LRP1B: variants seen among roughly 807,000 people sequenced by gnomAD.
LRP1B encodes the protein LDL receptor related protein 1B.
A neutral mutation model predicts 556.6 loss-of-function variants in LRP1B; 217 were observed. That is an observed-to-expected ratio of 0.39 (90% confidence interval 0.35 to 0.44). The LOEUF (loss-of-function observed/expected upper bound fraction) is 0.44, where lower values mean the gene tolerates loss of function less well. Among genes scored for constraint, LRP1B ranks in the 20% least tolerant of loss-of-function variants. LRP1B has a pLI of 1.00. For missense variants in LRP1B, 5,053 were observed against 5,620.8 expected, an observed-to-expected ratio of 0.90 and a Z score of 3.23; for synonymous variants, 2,047 against 1,865.8, an observed-to-expected ratio of 1.10 and a Z score of -2.50.
At chr2:140,610,625 G>A (rs1205554271) in intron 41 of LRP1B, among the ~76,000 whole-genome samples, 1 of 151,956 alleles carries the variant, frequency 6.6e-6, no homozygotes, top group Non-Finnish European at 1.5e-5. Flanking sequence ...TCGCTCTGTC[G>A]CCCAGGCTGG....
intron 83 of LRP1B, among the ~76,000 whole-genome samples, chr2:140,314,253 A>G (rs974847986): frequency 2.6e-5 from 4 of 152,014 alleles, no homozygotes; most frequent in African/African-American, 9.7e-5. Flanking sequence ...GAATTTGCAA[A>G]TTAGATTTTT....
At chr2:140,773,273 C>T (rs920858670) in intron 33 of LRP1B, among the ~76,000 whole-genome samples, 3 of 151,968 alleles carry the variant, frequency 2.0e-5, no homozygotes, top group Non-Finnish European at 2.9e-5. Context: ...CGGACCAGAG[C>T]GGCCAACATG....
At chr2:140,563,924 G>A (rs529266983) in intron 43 of LRP1B, among the ~76,000 whole-genome samples, 1 of 152,276 alleles carries the variant, frequency 6.6e-6, no homozygotes, top group East Asian at 1.9e-4. Flanking sequence ...TTTTGACACA[G>A]TCATAATTCT....
intron 29 of LRP1B, among the ~76,000 whole-genome samples, chr2:140,843,482 T>C (rs1158172776): frequency 1.3e-5 from 2 of 152,146 alleles, no homozygotes; most frequent in Admixed American, 6.6e-5. Flanking sequence ...CTTTTCCATA[T>C]AGCGTGACTA....
At chr2:140,329,433 T>C (rs1426558009) in intron 79 of LRP1B, among the ~76,000 whole-genome samples, 2 of 151,966 alleles carry the variant, frequency 1.3e-5, no homozygotes, top group African/African-American at 4.8e-5. Context: ...TGTATTCAAA[T>C]AGGAGGAGAG....
At chr2:140,898,866 A>C in intron 23 of LRP1B, 1 of 427,014 alleles carries the variant, frequency 2.3e-6, no homozygotes, top group South Asian at 1.7e-5. Flanking sequence ...TACCTGACAT[A>C]GTAGGAGAGC....
At chr2:141,870,585 G>C (rs769101150) in intron 1 of LRP1B, among the ~76,000 whole-genome samples, 1 of 151,912 alleles carries the variant, frequency 6.6e-6, no homozygotes, top group Non-Finnish European at 1.5e-5. Flanking sequence ...ATGTAGAATA[G>C]AGACTATATT....
intron 49 of LRP1B, among the ~76,000 whole-genome samples, chr2:140,522,809 TC>T (rs1471795163): frequency 6.6e-6 from 1 of 151,918 alleles, no homozygotes; most frequent in African/African-American, 2.4e-5. Flanking sequence ...TGAATAAATT[TC>T]TGGAAAGGCA....
At chr2:140,523,198 G>A (rs942992883) in intron 49 of LRP1B, among the ~76,000 whole-genome samples, 1 of 151,992 alleles carries the variant, frequency 6.6e-6, no homozygotes, top group Admixed American at 6.6e-5. Flanking sequence ...ATTCACAATG[G>A]GCAAGTAGGC....
chr2:141,712,605 C>T (rs1469658972), intron 2 of LRP1B, among the ~76,000 whole-genome samples: 1 of 152,028 alleles, frequency 6.6e-6, no homozygotes, highest in Non-Finnish European at 1.5e-5. Context: ...TGTAAAGTCA[C>T]AAAACAGAGT....
At chr2:141,895,048 C>CAAAAAAAAAAAAAA (rs369108197) in intron 1 of LRP1B, among the ~76,000 whole-genome samples, 4 of 78,490 alleles carry the variant, frequency 5.1e-5, no homozygotes, top group East Asian at 3.3e-4. Context: ...AACTCCATCT[C>CAAAAAAAAAAAAAA]AAAAAAAAAA....
At chr2:141,794,292 T>C (rs1695728560) in intron 2 of LRP1B, among the ~76,000 whole-genome samples, 1 of 151,958 alleles carries the variant, frequency 6.6e-6, no homozygotes, top group South Asian at 2.1e-4. Flanking sequence ...TTGATTATTT[T>C]TGATATCAGG....
At chr2:140,480,460 C>G (rs1688184927) in intron 59 of LRP1B, among the ~76,000 whole-genome samples, 1 of 150,048 alleles carries the variant, frequency 6.7e-6, no homozygotes, top group Non-Finnish European at 1.5e-5. Context: ...TCCTAACAGA[C>G]TTTTTTTTTT....
intron 35 of LRP1B, among the ~76,000 whole-genome samples, chr2:140,764,752 C>T (rs1362205597): frequency 6.6e-6 from 1 of 152,118 alleles, no homozygotes; most frequent in African/African-American, 2.4e-5. Flanking sequence ...CAGAGCGATA[C>T]ATTTGTCACA....
chr2:141,073,828 T>C (rs1319961311), intron 7 of LRP1B, among the ~76,000 whole-genome samples: 2 of 152,118 alleles, frequency 1.3e-5, no homozygotes, highest in Non-Finnish European at 2.9e-5. Context: ...GCCAGTTACA[T>C]CTTCAATGTA....
At chr2:141,884,923 G>A (rs1699063506) in intron 1 of LRP1B, among the ~76,000 whole-genome samples, 2 of 152,150 alleles carry the variant, frequency 1.3e-5, no homozygotes, top group Non-Finnish European at 2.9e-5. Flanking sequence ...ACCTGTAAAT[G>A]TATTTGGATG....
At chr2:141,179,981 T>C (rs1208286013) in intron 7 of LRP1B, among the ~76,000 whole-genome samples, 1 of 151,170 alleles carries the variant, frequency 6.6e-6, no homozygotes, top group Non-Finnish European at 1.5e-5. Context: ...TGGTAATGTA[T>C]AAGCAGAACA....
intron 43 of LRP1B, among the ~76,000 whole-genome samples, chr2:140,588,621 A>G (rs1682084716): frequency 6.6e-6 from 1 of 152,224 alleles, no homozygotes; most frequent in African/African-American, 2.4e-5. Context: ...ATAGACACCT[A>G]CAATTATGCC....
At chr2:141,890,323 C>G (rs375402331) in intron 1 of LRP1B, among the ~76,000 whole-genome samples, 1 of 83,818 alleles carries the variant, frequency 1.2e-5, no homozygotes, top group Non-Finnish European at 2.4e-5. Flanking sequence ...GGGCACAATA[C>G]ATATATATAT....
Sources: allele counts gnomAD v4.1 joint callset (sites outside exome capture counted in the v4.1 genomes callset), GRCh38; gene constraint gnomAD v4.1.1; transcripts MANE v1.5; gene names NCBI Gene and HGNC (gene_info 2026-07-23, HGNC 2026-07-21).